PTPRN2: variants seen among roughly 807,000 people sequenced by gnomAD.
PTPRN2 encodes the protein receptor-type tyrosine-protein phosphatase N2.
PTPRN2 carries 74 observed loss-of-function variants against 118.8 expected under a neutral mutation model. That is an observed-to-expected ratio of 0.62 (90% CI 0.52 to 0.76). The LOEUF is 0.76. Among genes scored for constraint, PTPRN2 ranks in the 30% least tolerant of loss-of-function variants. The probability of loss-of-function intolerance (pLI) is 0.00; values close to 1 mark genes in which losing one functional copy is unlikely to be tolerated. For synonymous variants in PTPRN2, 641 were observed against 608.0 expected, an observed-to-expected ratio of 1.05 and a Z score of -0.80; for missense variants, 1,481 against 1,394.4, an observed-to-expected ratio of 1.06 and a Z score of -0.99.
At chr7:158,325,629 T>G (rs888067962) in intron 2 of PTPRN2, among the ~76,000 whole-genome samples, 24 of 152,194 alleles carry the variant, frequency 1.6e-4, no homozygotes, top group African/African-American at 5.8e-4. Flanking sequence ...CAAGAAGGGA[T>G]GGGCAGAAAA....
Position 157,571,465 on chromosome 7 carries a change from A to C in PTPRN2, c.2812T>G (p.Ser938Ala). 2 of 1,611,180 alleles carry C rather than the reference A, an allele frequency of 1.2e-6. No homozygotes were observed. ...RKVNKCYRGRSCPIIVHCSDG... is the reference protein window; with the variant it reads ...RKVNKCYRGRACPIIVHCSDG... Reference sequence around the variant, plus strand: ...CTGCAATGAACAATTATTGGACAAGAACGGCCCCTGTAGCACTTGTTTACT... The same window carrying C: ...CTGCAATGAACAATTATTGGACAAGCACGGCCCCTGTAGCACTTGTTTACT... The change falls in exon 20 of 23, where the codon TCT (serine) becomes GCT (alanine). Residue 938 changes from serine (S) to alanine (A), a missense_variant. Ser to Ala is a moderately conservative substitution (Grantham distance 99, BLOSUM62 1). Coordinates refer to ENST00000389418, the MANE Select transcript of PTPRN2 (RefSeq NM_002847.5).
chr7:158,571,525 CTTTTTT>C (rs552051165), intron 1 of PTPRN2, among the ~76,000 whole-genome samples: 1 of 71,804 alleles, frequency 1.4e-5, no homozygotes, highest in Non-Finnish European at 2.9e-5. Context: ...ACACCTATTT[CTTTTTT>C]TTTTTTTTTT....
At chr7:158,370,102 C>T (rs543255841) in intron 2 of PTPRN2, among the ~76,000 whole-genome samples, 4 of 152,252 alleles carry the variant, frequency 2.6e-5, no homozygotes, top group South Asian at 2.1e-4. Flanking sequence ...TGGTGCACGG[C>T]GGTGACTGAC....
intron 2 of PTPRN2, among the ~76,000 whole-genome samples, chr7:158,379,894 G>A (rs1186351189): frequency 6.6e-6 from 1 of 152,146 alleles, no homozygotes; most frequent in Non-Finnish European, 1.5e-5. Flanking sequence ...AGGCAAAGAG[G>A]AGCAAAGTCA....
intron 11 of PTPRN2, among the ~76,000 whole-genome samples, chr7:157,968,308 G>C (rs1484295957): frequency 2.6e-5 from 4 of 151,680 alleles, no homozygotes; most frequent in African/African-American, 9.7e-5. Flanking sequence ...TTTCAGAATG[G>C]TGTCCATTCC....
In PTPRN2 at chr7:157,539,274, A is replaced by G. The variant is rs1281644694; in HGVS notation, c.*1440T>C. ...GCAGATATTCATTACAATACCATGT[A>G]GAGACATAAGCAATATTTTGGCATC... On this transcript the variant is annotated 3_prime_UTR_variant, in exon 23 of 23. Transcript: ENST00000389418. 2 of 152,252 alleles carry G rather than the reference A, an allele frequency of 1.3e-5. No individual in the cohort carries two copies. The highest frequency in any genetic ancestry group is 2.9e-5 in the Non-Finnish European group (2 of 68,044). 9.4% of individuals were successfully genotyped at this position (152,252 alleles called of 1,614,324 possible).
At position 157,964,304 on chromosome 7, in the gene PTPRN2, C is replaced by T. The variant is rs758479351; in HGVS notation, c.1724-65567G>A. 1.1e-4 allele frequency among the ~76,000 whole-genome samples: 17 copies of T among 152,090 alleles called. No individual in the cohort carries two copies. The highest frequency in any genetic ancestry group is 2.1e-4 in the South Asian group (1 of 4,818). On this transcript the variant is annotated intron_variant, in intron 11 of 22. Transcript: ENST00000389418. The surrounding 1 kb of genome is among the most constrained non-coding windows in gnomAD (Gnocchi z 9.0). ...CACACGCACAGAGGATCACTGGGGG[C>T]GATGTAGAGATGTGGAAGCTGGACC...
At position 158,213,294 on chromosome 7, in the gene PTPRN2, A is replaced by G. The variant is rs117982925; in HGVS notation, c.278-8021T>C. ...ACATGATGAGAACCACATATTCTGG[A>G]TGGAATTAAAAGAGCTCAGTAAATA... On this transcript the variant is annotated intron_variant, in intron 3 of 22. Coordinates refer to ENST00000389418, the MANE Select transcript of PTPRN2 (RefSeq NM_002847.5). Among the ~76,000 whole-genome samples the G allele has an allele frequency of 1.3e-4, 19 of 151,434 alleles. No individual in the cohort carries two copies. The East Asian group carries it at 3.5e-3, about 28-fold the overall frequency.
In PTPRN2 at chr7:157,831,469, G is replaced by C. The variant is rs544141118; in HGVS notation, c.1788+67204C>G. On this transcript the variant is annotated intron_variant, in intron 12 of 22. Transcript: ENST00000389418. The surrounding 1 kb of genome is among the most constrained non-coding windows in gnomAD (Gnocchi z 4.8). ...CTGGGTGCATTTGGAGTTGCCCTGG[G>C]GCTGGGGCTGGGAGACGGAGCTGCC... Among the ~76,000 whole-genome samples, 50 of 152,302 alleles carry C rather than the reference G, an allele frequency of 3.3e-4. No homozygotes were observed. In the South Asian group the frequency reaches 0.01, roughly 32 times the overall value.
intron 3 of PTPRN2, among the ~76,000 whole-genome samples, chr7:158,262,163 G>A (rs938959352): frequency 5.9e-5 from 9 of 152,136 alleles, no homozygotes; most frequent in South Asian, 2.1e-4. Flanking sequence ...AGGCCTCCCC[G>A]GTTCACTCCT....
At chr7:158,290,235 G>A (rs1420762451) in intron 3 of PTPRN2, among the ~76,000 whole-genome samples, 20 of 152,150 alleles carry the variant, frequency 1.3e-4, no homozygotes, top group Non-Finnish European at 2.9e-5. Context: ...TGGACTCTGA[G>A]TTCTGGAGCC....
At chr7:157,967,544 A>C (rs1802037509) in intron 11 of PTPRN2, among the ~76,000 whole-genome samples, 1 of 151,980 alleles carries the variant, frequency 6.6e-6, no homozygotes, top group Non-Finnish European at 1.5e-5. Flanking sequence ...GCAATGGAGG[A>C]GTGGGTGAAA....
At chr7:158,204,191 C>T (rs1391733318) in intron 4 of PTPRN2, among the ~76,000 whole-genome samples, 1 of 145,846 alleles carries the variant, frequency 6.9e-6, no homozygotes, top group African/African-American at 2.6e-5. Flanking sequence ...CCGCCCTCAG[C>T]GTGCGCCGTG....
intron 3 of PTPRN2, among the ~76,000 whole-genome samples, chr7:158,285,066 G>GT (rs1441422867): frequency 1.3e-5 from 2 of 152,162 alleles, no homozygotes; most frequent in African/African-American, 4.8e-5. Flanking sequence ...GCTTTTGTTT[G>GT]TTTTTTGTTT....
chr7:158,214,687 G>A (rs950346300), intron 3 of PTPRN2, among the ~76,000 whole-genome samples: 1 of 151,912 alleles, frequency 6.6e-6, no homozygotes, highest in African/African-American at 2.4e-5. Flanking sequence ...ATCTCCATTG[G>A]GTTGTAATTA....
chr7:158,288,905 T>C (rs138238635), intron 3 of PTPRN2, among the ~76,000 whole-genome samples: 151 of 152,312 alleles, frequency 9.9e-4, no homozygotes, highest in African/African-American at 3.3e-3. Context: ...AGGAAGGTCT[T>C]TTCCTCTCCT....
chr7:158,016,219 C>A (rs1030582290), intron 11 of PTPRN2, among the ~76,000 whole-genome samples: 1 of 152,188 alleles, frequency 6.6e-6, no homozygotes, highest in Non-Finnish European at 1.5e-5. Flanking sequence ...ATGGGCAGGG[C>A]TCGGGAGGTC....
At chr7:157,818,683 A>C (rs915973743) in intron 12 of PTPRN2, among the ~76,000 whole-genome samples, 1 of 152,096 alleles carries the variant, frequency 6.6e-6, no homozygotes, top group Non-Finnish European at 1.5e-5. Context: ...TAATTTCCTC[A>C]TGTGCCAAAT....
chr7:158,467,567 T>G (rs927071102), intron 2 of PTPRN2, among the ~76,000 whole-genome samples: 29 of 152,182 alleles, frequency 1.9e-4, no homozygotes, highest in African/African-American at 6.8e-4. Context: ...TTTCAGAGTT[T>G]TACAGTTTCA....
Sources: gnomAD v4.1 joint callset for allele counts (sites outside exome capture counted in the v4.1 genomes callset) on GRCh38, gnomAD v4.1.1 for gene constraint, Gnocchi (gnomAD v3.1) non-coding constraint, MANE v1.5 for transcripts, NCBI Gene and HGNC (gene_info 2026-07-23, HGNC 2026-07-21) for gene names.